Variants in LARGE1 observed in about 807,000 individuals in gnomAD.
LARGE1 encodes the protein xylosyl- and glucuronyltransferase LARGE1.
LARGE1 carries 43 observed loss-of-function variants against 87.6 expected under a neutral mutation model. That is an observed-to-expected ratio of 0.49 (90% confidence interval 0.38 to 0.63). LARGE1 has a LOEUF of 0.63. Among genes scored for constraint, LARGE1 ranks in the 30% least tolerant of loss-of-function variants. The pLI is 0.00. For missense variants in LARGE1, 802 were observed against 1,000.2 expected (o/e 0.80, Z 2.67); for synonymous variants, 434 against 394.6 (o/e 1.10, Z -1.18).
At chr22:33,863,024 G>C (rs1568995807) in intron 1 of LARGE1, among the ~76,000 whole-genome samples, 1 of 152,120 alleles carries the variant, frequency 6.6e-6, no homozygotes, top group Non-Finnish European at 1.5e-5. Context: ...TAAGCTGTCC[G>C]AGAGCATAGG....
At chr22:33,399,704 A>C in intron 7 of LARGE1, among the ~76,000 whole-genome samples, 1 of 152,066 alleles carries the variant, frequency 6.6e-6, no homozygotes, top group Non-Finnish European at 1.5e-5. Flanking sequence ...GCCTGCCACC[A>C]TGCCCGGCTA....
chr22:33,307,008 C>T (rs767356799), intron 11 of LARGE1, among the ~76,000 whole-genome samples: 27 of 152,154 alleles, frequency 1.8e-4, no homozygotes, highest in Non-Finnish European at 3.1e-4. Context: ...GGTGACACAA[C>T]GCACTGCTGT....
At chr22:33,810,174 A>C (rs976513815) in intron 1 of LARGE1, among the ~76,000 whole-genome samples, 2 of 152,212 alleles carry the variant, frequency 1.3e-5, no homozygotes, top group Admixed American at 1.3e-4. Context: ...GGAATATGTA[A>C]CAATCCTATA....
intron 11 of LARGE1, among the ~76,000 whole-genome samples, chr22:33,171,942 A>G (rs982638948): frequency 3.3e-5 from 5 of 152,220 alleles, no homozygotes; most frequent in Admixed American, 6.5e-5. Flanking sequence ...TGGAAACACC[A>G]CAGGCACTCA....
At chr22:33,768,253 G>T (rs919521679) in intron 1 of LARGE1, among the ~76,000 whole-genome samples, 1 of 152,142 alleles carries the variant, frequency 6.6e-6, no homozygotes, top group Non-Finnish European at 1.5e-5. Flanking sequence ...AGCTTGCAGT[G>T]AGCAGAGATT....
intron 2 of LARGE1, among the ~76,000 whole-genome samples, chr22:33,761,035 CA>C (rs1170203868): frequency 6.6e-6 from 1 of 152,114 alleles, no homozygotes; most frequent in Non-Finnish European, 1.5e-5. Context: ...AAAGATGGAC[CA>C]ACTCTTGAAA....
chr22:33,629,554 A>G (rs1458302896), intron 3 of LARGE1, among the ~76,000 whole-genome samples: 1 of 152,178 alleles, frequency 6.6e-6, no homozygotes, highest in South Asian at 2.1e-4. Context: ...CTATGTTCTT[A>G]GAGGAGTTTT....
chr22:33,432,174 T>C lies in LARGE1; in HGVS notation c.879A>G (p.Arg293=). 6.2e-7 allele frequency: 1 copy of C among 1,613,942 alleles called. No individual in the cohort carries two copies. The change falls in exon 7 of 15, where the codon AGA becomes AGG. Residue 293 remains arginine (R), a synonymous_variant. Transcript: ENST00000397394. ...CTGAGGATTTACCTGTGTTGTAGCC[T>C]CTTCCAAGGGCTGGCCATGGGCGGT... is the stretch of plus-strand genomic sequence containing the variant. ...KNHRPWPALG[R]GYNTGVILLL...
intron 1 of LARGE1, among the ~76,000 whole-genome samples, chr22:33,814,782 T>C (rs997437556): frequency 6.6e-6 from 1 of 152,048 alleles, no homozygotes; most frequent in Non-Finnish European, 1.5e-5. Flanking sequence ...ATTGGGTCAT[T>C]TCTCTGGAGA....
At chr22:33,074,814 C>G in the LARGE1 span, among the ~76,000 whole-genome samples, 1 of 152,110 alleles carries the variant, frequency 6.6e-6, no homozygotes, top group Non-Finnish European at 1.5e-5. Context: ...GGTCCTTGCC[C>G]CAGGGGCCTG....
At chr22:33,348,672 G>T (rs1320201918) in intron 9 of LARGE1, among the ~76,000 whole-genome samples, 2 of 151,764 alleles carry the variant, frequency 1.3e-5, no homozygotes, top group Non-Finnish European at 2.9e-5. Context: ...ATCCATTGAG[G>T]CCCTGATAGA....
At chr22:33,440,940 C>T (rs1044917001) in intron 6 of LARGE1, among the ~76,000 whole-genome samples, 4 of 152,122 alleles carry the variant, frequency 2.6e-5, no homozygotes, top group South Asian at 2.1e-4. Flanking sequence ...CTGCCAAGGG[C>T]GAGCGGTGTT....
intron 9 of LARGE1, among the ~76,000 whole-genome samples, chr22:33,359,594 C>T (rs372013735): frequency 6.5e-5 from 9 of 139,052 alleles, no homozygotes; most frequent in African/African-American, 1.9e-4. Flanking sequence ...GATGGAGTCT[C>T]GCTCTGTTGC....
At chr22:33,357,225 C>T (rs748504374) in intron 9 of LARGE1, among the ~76,000 whole-genome samples, 3 of 152,076 alleles carry the variant, frequency 2.0e-5, no homozygotes, top group Non-Finnish European at 4.4e-5. Context: ...GACTGGAGGC[C>T]TTATTTTAAG....
intron 3 of LARGE1, among the ~76,000 whole-genome samples, chr22:33,645,245 T>G (rs138685170): frequency 2.6e-5 from 4 of 152,062 alleles, no homozygotes; most frequent in African/African-American, 9.6e-5. Context: ...CCAAAACAGA[T>G]ATATAGACCA....
chr22:33,785,488 G>C (rs1490412913), intron 1 of LARGE1, among the ~76,000 whole-genome samples: 1 of 152,076 alleles, frequency 6.6e-6, no homozygotes, highest in Admixed American at 6.5e-5. Context: ...AGAGTGGCTA[G>C]TGTGAATCAC....
At chr22:33,860,165 AT>A (rs1454728235) in intron 1 of LARGE1, among the ~76,000 whole-genome samples, 8 of 151,994 alleles carry the variant, frequency 5.3e-5, no homozygotes, top group African/African-American at 1.7e-4. Flanking sequence ...TTAAAAAAAA[AT>A]TTTTTTGTAC....
chr22:33,614,243 A>G (rs2079520217), intron 4 of LARGE1, among the ~76,000 whole-genome samples: 1 of 152,198 alleles, frequency 6.6e-6, no homozygotes, highest in African/African-American at 2.4e-5. Flanking sequence ...CATATGCAGC[A>G]CTTACAACAA....
the LARGE1 span, among the ~76,000 whole-genome samples, chr22:33,074,765 C>G: frequency 6.6e-6 from 1 of 152,120 alleles, no homozygotes; most frequent in Non-Finnish European, 1.5e-5. Flanking sequence ...AGAAAGGGTC[C>G]TTTGTCTTTA....
Sources: gnomAD v4.1 joint callset for allele counts (sites outside exome capture counted in the v4.1 genomes callset) on GRCh38, gnomAD v4.1.1 for gene constraint, MANE v1.5 for transcripts, NCBI Gene and HGNC (gene_info 2026-07-23, HGNC 2026-07-21) for gene names.